HDAC7: variants seen among roughly 807,000 people sequenced by gnomAD.
HDAC7 encodes histone deacetylase 7A.
In HDAC7, 26 loss-of-function variants were observed where a neutral mutation model predicts 115.5. The ratio of observed to expected loss-of-function variants is 0.23; its 90% CI spans 0.16 to 0.31. HDAC7 has a LOEUF of 0.31. Ranked by LOEUF, HDAC7 falls within the 10% of genes least tolerant of loss-of-function variation. The probability of loss-of-function intolerance (pLI) is 1.00; values close to 1 mark genes in which losing one functional copy is unlikely to be tolerated. For synonymous variants in HDAC7, 564 were observed against 550.9 expected, an observed-to-expected ratio of 1.02 and a Z score of -0.33; for missense variants, 1,068 against 1,329.0, an observed-to-expected ratio of 0.80 and a Z score of 3.05.
At chr12:47,820,715 C>T (rs2137094460), upstream of HDAC7, 1 of 152,376 alleles carries the variant, frequency 6.6e-6, no homozygotes, top group East Asian at 1.9e-4. The surrounding 1 kb of genome is among the most constrained non-coding windows in gnomAD (Gnocchi z 4.3). Context: ...TCCTCTCCCT[C>T]CACAACCCCC....
intron 21 of HDAC7, among the ~76,000 whole-genome samples, chr12:47,787,166 G>C (rs544130483): frequency 6.6e-6 from 1 of 152,260 alleles, no homozygotes; most frequent in South Asian, 2.1e-4. Context: ...CTTGAGAGCT[G>C]AGTAGGGGAC....
intron 1 of HDAC7, among the ~76,000 whole-genome samples, chr12:47,804,931 C>G (rs1944329623): frequency 6.6e-6 from 1 of 152,124 alleles, no homozygotes; most frequent in African/African-American, 2.4e-5. Context: ...CCTCCTAGAT[C>G]TGCAAAAGGT....
At position 47,797,056 on chromosome 12, in the gene HDAC7, G is replaced by A. The variant is rs751287057; in HGVS notation, c.664C>T (p.Pro222Ser). The A allele has an allele frequency of 1.1e-5, 17 of 1,601,168 alleles. No individual in the cohort carries two copies. The highest frequency in any genetic ancestry group is 1.4e-5 in the Non-Finnish European group (17 of 1,174,456). ...KNPLLRKESA[P>S]PSLRRRPAET... ...GCGGGCCGCCGCCGGAGGCTGGGGG[G>A]CGCACTCTCCTTTCGGAGCAGTGGA... is the stretch of plus-strand genomic sequence containing the variant. Residue 222 changes from proline (P) to serine (S), a missense_variant, in exon 7 of 26, where the codon CCC becomes TCC. By Grantham distance (74) the Pro-to-Ser change is moderately conservative. This residue lies in a region of HDAC7 where 618 missense variants were observed against 701.5 expected (regional missense o/e 0.88). Coordinates refer to ENST00000080059, the MANE Select transcript of HDAC7 (RefSeq NM_015401.5). This position sits in a 1 kb window ranked among gnomAD's most constrained non-coding sequence, Gnocchi z 5.5.
intron 1 of HDAC7, chr12:47,812,837 G>A (rs1944723919): frequency 6.6e-6 from 1 of 152,222 alleles, no homozygotes; most frequent in African/African-American, 2.4e-5. Context: ...CCAGATCTCT[G>A]GCGTCAGAAT....
In HDAC7 at chr12:47,798,081, C is replaced by A. The variant is rs772018328; in HGVS notation, c.461+27G>T. On this transcript the variant is annotated intron_variant, in intron 5 of 25. Coordinates refer to ENST00000080059, the MANE Select transcript of HDAC7 (RefSeq NM_015401.5). The surrounding 1 kb of genome is among the most constrained non-coding windows in gnomAD (Gnocchi z 4.3). ...CGGGGGTGGAGGGTGCATGTGGGGA[C>A]AGGAGGGCAGGTGAGGAGGGTGTTA... 2.6e-6 allele frequency: 4 copies of A among 1,525,224 alleles called. No homozygotes were observed. Among genetic ancestry groups the A allele is most frequent in the Admixed American group, 3.3e-5 (2 of 59,782 alleles). The allele number at this position is 1,525,224 out of a possible 1,614,324, so 94.5% of individuals were successfully genotyped here. A position where few individuals can be genotyped will look rare whatever the true frequency, so the allele number is the denominator to read the frequency against.
At chr12:47,792,282 C>G (rs1233703164) in intron 13 of HDAC7, 5 of 500,740 alleles carry the variant, frequency 1.0e-5, no homozygotes, top group Non-Finnish European at 1.8e-5. Context: ...ACGGCCTTCC[C>G]ACATGCGGAC....
Position 47,795,979 on chromosome 12 carries a change from GA to G in HDAC7, c.832del (p.Ser278LeufsTer84). 1.3e-6 allele frequency: 2 copies of G among 1,549,858 alleles called. No individual in the cohort carries two copies. The highest frequency in any genetic ancestry group is 8.7e-7 in the Non-Finnish European group (1 of 1,147,176). The stretch of plus-strand genomic sequence containing the variant: ...TGTCGGCAAGGCGAACGGGGCCACA[GA>G]AGTCTCCTGCAGCCGCAGCCGCTGG... ...LGQRLRLQET[S>X]VAPFALPTVS... is the part of the protein sequence containing the mutation. On this transcript the variant is annotated frameshift_variant, in exon 9 of 26. Transcript: ENST00000080059. LOFTEE classifies it high-confidence loss of function. This position sits in a 1 kb window ranked among gnomAD's most constrained non-coding sequence, Gnocchi z 4.3.
At chr12:47,796,701 G>A (rs948873744) in intron 7 of HDAC7, among the ~76,000 whole-genome samples, 2 of 152,136 alleles carry the variant, frequency 1.3e-5, no homozygotes, top group Non-Finnish European at 2.9e-5. Flanking sequence ...TGAGATTATA[G>A]GCGTGAACCA....
chr12:47,791,946 C>A lies in HDAC7; in HGVS notation c.1737G>T (p.Arg579Ser), dbSNP rs1238867377. Reference protein sequence around the residue: ...KHQCSCGDNSRHPEHAGRIQS... With the variant: ...KHQCSCGDNSSHPEHAGRIQS... ...GGATGCGGCCGGCGTGCTCCGGGTG[C>A]CTGCTGTTGTCACCGCAGGAGCACT... Residue 579 changes from arginine (R) to serine (S), a missense_variant, in exon 14 of 26, where the codon AGG becomes AGT. Arg to Ser is a moderately radical substitution (Grantham distance 110). This residue lies in a region of HDAC7 where 618 missense variants were observed against 701.5 expected (regional missense o/e 0.88). Transcript: ENST00000080059. 6.2e-7 allele frequency: 1 copy of A among 1,611,194 alleles called. No individual in the cohort carries two copies. Among genetic ancestry groups the A allele is most frequent in the Admixed American group, 1.7e-5 (1 of 59,862 alleles).
chr12:47,793,346 CGCCA>C lies in HDAC7; in HGVS notation c.1678+19_1678+22del. On this transcript the variant is annotated intron_variant, in intron 13 of 25. Coordinates refer to ENST00000080059, the MANE Select transcript of HDAC7 (RefSeq NM_015401.5). This position sits in a 1 kb window ranked among gnomAD's most constrained non-coding sequence, Gnocchi z 4.5. The stretch of plus-strand genomic sequence containing the variant: ...GTGCAGCCGAGCCCCTCCCTCCACC[CGCCA>C]CCCTCCTCCCGGTCTCACCTGTGGT... 6.9e-7 allele frequency: 1 copy of C among 1,444,286 alleles called. No homozygotes were observed. Among genetic ancestry groups the C allele is most frequent in the Non-Finnish European group, 9.3e-7 (1 of 1,073,270 alleles). The allele number at this position is 1,444,286 out of a possible 1,614,324, so 89.5% of individuals were successfully genotyped here. A position where few individuals can be genotyped will look rare whatever the true frequency, so the allele number is the denominator to read the frequency against.
At position 47,798,334 on chromosome 12, in the gene HDAC7, G is replaced by A. The variant is rs1447756765; in HGVS notation, c.350-115C>T. 2 of 939,416 alleles carry A rather than the reference G, an allele frequency of 2.1e-6. No individual in the cohort carries two copies. The highest frequency in any genetic ancestry group is 4.8e-5 in the East Asian group (2 of 41,500). 58.2% of individuals were successfully genotyped at this position (939,416 alleles called of 1,614,324 possible). A position where few individuals can be genotyped will look rare whatever the true frequency, so the allele number is the denominator to read the frequency against. ...TAGGAGGCGTCCCAGGGACTCCCTA[G>A]GCAAGAGCCAAGCCCGAGGCCCTAC... On this transcript the variant is annotated intron_variant, in intron 4 of 25. Transcript: ENST00000080059. This position sits in a 1 kb window ranked among gnomAD's most constrained non-coding sequence, Gnocchi z 4.3.
chr12:47,792,007 G>A lies in HDAC7; in HGVS notation c.1679-3C>T, dbSNP rs1177451818. On this transcript the variant is annotated splice_polypyrimidine_tract_variant and splice_region_variant and intron_variant, in intron 13 of 25. Coordinates refer to ENST00000080059, the MANE Select transcript of HDAC7 (RefSeq NM_015401.5). The stretch of plus-strand genomic sequence containing the variant: ...CATGACCGAGTCATAGATCAGCCCT[G>A]CAGGAGCAAGGGTCAGAGCGGGGAC... 2 of 1,602,972 alleles carry A rather than the reference G, an allele frequency of 1.2e-6. No homozygotes were observed. The highest frequency in any genetic ancestry group is 1.7e-6 in the Non-Finnish European group (2 of 1,172,760).
chr12:47,809,744 T>C (rs1387026204), intron 1 of HDAC7, among the ~76,000 whole-genome samples: 2 of 151,500 alleles, frequency 1.3e-5, no homozygotes, highest in African/African-American at 4.9e-5. Context: ...CTAATTTTTG[T>C]ATATTTAGTA....
Position 47,783,518 on chromosome 12 carries a change from A to G in HDAC7, c.*323T>C. 2.6e-6 allele frequency: 1 copy of G among 380,772 alleles called. No individual in the cohort carries two copies. The highest frequency in any genetic ancestry group is 5.0e-6 in the Non-Finnish European group (1 of 201,546). The allele number at this position is 380,772 out of a possible 1,614,324, so 23.6% of individuals were successfully genotyped here. On this transcript the variant is annotated 3_prime_UTR_variant, in exon 26 of 26. Coordinates refer to ENST00000080059, the MANE Select transcript of HDAC7 (RefSeq NM_015401.5). ...TAGTGGTTAAGGGTGAGCCCGACGGAGCCGGAGCCAGTCCTCCTCTGTGCA... is the reference window on the plus strand; with the variant it reads ...TAGTGGTTAAGGGTGAGCCCGACGGGGCCGGAGCCAGTCCTCCTCTGTGCA...
chr12:47,786,735 ACT>A (rs1170608327), intron 21 of HDAC7, 32 bp from the exon 22 acceptor site: 1 of 1,574,940 alleles, frequency 6.3e-7, no homozygotes, highest in South Asian at 1.1e-5. Context: ...CGATCATCGT[ACT>A]GTGCAGGGTT....
chr12:47,793,304 G>A lies in HDAC7; in HGVS notation c.1678+65C>T. The A allele has an allele frequency of 1.6e-6, 2 of 1,241,660 alleles. No homozygotes were observed. Among genetic ancestry groups the A allele is most frequent in the South Asian group, 3.1e-5 (2 of 65,348 alleles). 76.9% of individuals were successfully genotyped at this position (1,241,660 alleles called of 1,614,324 possible). A position where few individuals can be genotyped will look rare whatever the true frequency, so the allele number is the denominator to read the frequency against. On this transcript the variant is annotated intron_variant, in intron 13 of 25. Coordinates refer to ENST00000080059, the MANE Select transcript of HDAC7 (RefSeq NM_015401.5). This position sits in a 1 kb window ranked among gnomAD's most constrained non-coding sequence, Gnocchi z 4.5. ...CTAAAAATGTCCCAAGTGACACCAA[G>A]ACACCCACATGGACTCGTGCAGCCG... is the stretch of plus-strand genomic sequence containing the variant.
intron 21 of HDAC7, 79 bp downstream of exon 21, chr12:47,787,633 G>T: frequency 1.0e-6 from 1 of 976,128 alleles, no homozygotes. Context: ...CAATCCAACT[G>T]ATCACCTCCC....
chr12:47,809,459 TTAA>T (rs1944555666), intron 1 of HDAC7, among the ~76,000 whole-genome samples: 1 of 152,154 alleles, frequency 6.6e-6, no homozygotes, highest in South Asian at 2.1e-4. Flanking sequence ...TTTTAATTAA[TTAA>T]TAATATTAAT....
chr12:47,801,286 G>A (rs3759407), intron 2 of HDAC7, among the ~76,000 whole-genome samples: 11,417 of 152,192 alleles, frequency 0.075, 949 homozygotes, highest in Admixed American at 0.27. Flanking sequence ...CCTAGCACCT[G>A]GAATAGTACC....
Sources: gnomAD v4.1 joint callset for allele counts (sites outside exome capture counted in the v4.1 genomes callset) on GRCh38, gnomAD v4.1.1 for gene constraint, gnomAD v4.1.1 regional missense constraint, Gnocchi (gnomAD v3.1) non-coding constraint, MANE v1.5 for transcripts, NCBI Gene and HGNC (gene_info 2026-07-23, HGNC 2026-07-21) for gene names.